Variants in DMD observed in about 807,000 individuals in gnomAD.
The protein encoded by DMD is mutant dystrophin.
A neutral mutation model predicts 330.1 loss-of-function variants in DMD; 63 were observed. The observed-to-expected ratio is 0.19, with a 90% CI of 0.16 to 0.24. DMD has a LOEUF of 0.24. Among genes scored for constraint, DMD ranks in the 10% least tolerant of loss-of-function variants. The pLI, the probability that DMD is intolerant of heterozygous loss-of-function variation, is 1.00. For synonymous variants in DMD, 1,223 were observed against 959.8 expected (o/e 1.27, Z -5.07); for missense variants, 3,344 against 2,684.1 (o/e 1.25, Z -5.43).
rs1388942693 is a variant in DMD, at chrX:32,816,459, T to TC, written c.530+8dup. On this transcript the variant is annotated intron_variant, in intron 6 of 78. Transcript: ENST00000357033. Reference sequence around the variant, plus strand: ...TACAAGTTATTTAATGTCTCAGTAATCTTCTTACCTATGACTATGGATGAG... The same window carrying TC: ...TACAAGTTATTTAATGTCTCAGTAATCCTTCTTACCTATGACTATGGATGAG... The TC allele has an allele frequency of 1.7e-6, 2 of 1,208,755 alleles. No homozygotes were observed. The highest frequency in any genetic ancestry group is 4.4e-5 in the Admixed American group (2 of 45,703).
intron 7 of DMD, among the ~76,000 whole-genome samples, chrX:32,801,665 C>T (rs1342928887): frequency 9.0e-6 from 1 of 111,512 alleles, no homozygotes; most frequent in Non-Finnish European, 1.9e-5. Context: ...GTCTTTAATC[C>T]ATCTTGAGTT....
rs1223708683 is a variant in DMD, at chrX:31,763,494, C to T, written c.7542+10466G>A. 6.3e-5 allele frequency among the ~76,000 whole-genome samples: 7 copies of T among 111,359 alleles called. No homozygotes were observed. In the South Asian group the frequency reaches 1.2e-3, roughly 18 times the overall value. ...AGGAGAATCGCTTGAACCTAGGTGG[C>T]GGAGGTTGCAGTGAGCCGAGATCGT... On this transcript the variant is annotated intron_variant, in intron 51 of 78. Coordinates refer to ENST00000357033, the MANE Select transcript of DMD (RefSeq NM_004006.3).
At chrX:31,668,816 G>C (rs983808276) in intron 53 of DMD, among the ~76,000 whole-genome samples, 2 of 111,540 alleles carry the variant, frequency 1.8e-5, no homozygotes, top group African/African-American at 6.5e-5. Context: ...CTACTTCAAT[G>C]AGTTTGACTT....
chrX:32,540,252 G>A (rs920458002), intron 17 of DMD, among the ~76,000 whole-genome samples: 42 of 111,072 alleles, frequency 3.8e-4, no homozygotes, highest in African/African-American at 1.2e-3. Flanking sequence ...GGAATAATTT[G>A]CTATTAGAAA....
intron 48 of DMD, among the ~76,000 whole-genome samples, chrX:31,859,861 A>G (rs1367651597): frequency 8.9e-6 from 1 of 112,376 alleles, no homozygotes; most frequent in African/African-American, 3.2e-5. Flanking sequence ...CAATGCCACC[A>G]AGGGAGGTAA....
chrX:31,332,367 T>TA (rs1326687102), intron 61 of DMD, among the ~76,000 whole-genome samples: 1 of 112,240 alleles, frequency 8.9e-6, no homozygotes, highest in Non-Finnish European at 1.9e-5. Flanking sequence ...ACAGAAGCTT[T>TA]ATATTCTTGT....
At chrX:31,709,153 T>A (rs779865019) in intron 52 of DMD, among the ~76,000 whole-genome samples, 32 of 111,409 alleles carry the variant, frequency 2.9e-4, no homozygotes, top group Non-Finnish European at 5.5e-4. Flanking sequence ...ATGTCTGTAG[T>A]CTCAGCTACT....
intron 7 of DMD, among the ~76,000 whole-genome samples, chrX:32,753,294 A>G (rs2071065653): frequency 8.9e-6 from 1 of 112,370 alleles, no homozygotes; most frequent in African/African-American, 3.2e-5. Flanking sequence ...GGTATTCCTC[A>G]AAAGACAATA....
At chrX:32,105,632 A>G (rs1468084932) in intron 44 of DMD, among the ~76,000 whole-genome samples, 1 of 112,031 alleles carries the variant, frequency 8.9e-6, no homozygotes, top group Non-Finnish European at 1.9e-5. Context: ...ATGCTTCATA[A>G]TAATCACCTG....
At chrX:31,309,227 C>T (rs1458478866) in intron 62 of DMD, among the ~76,000 whole-genome samples, 2 of 111,826 alleles carry the variant, frequency 1.8e-5, no homozygotes, top group Non-Finnish European at 3.8e-5. Flanking sequence ...ACTGAGGAGA[C>T]AAGGGATCTG....
Position 31,434,424 on chromosome X carries a change from A to ATG in DMD, c.9084+10056_9084+10057insCA, listed in dbSNP as rs1569541937. ...CCCTTACTGCAGCGCGCGCGCACAC[A>ATG]CACACACACACACACACACACACAC... On this transcript the variant is annotated intron_variant, in intron 60 of 78. Transcript: ENST00000357033. 2.2e-4 allele frequency among the ~76,000 whole-genome samples: 11 copies of ATG among 51,099 alleles called. 1 individual carries two copies. Among genetic ancestry groups the ATG allele is most frequent in the African/African-American group, 1.4e-3 (11 of 7,632 alleles). 44.4% of individuals were successfully genotyped at this position (51,099 alleles called of 115,157 possible). A position where few individuals can be genotyped will look rare whatever the true frequency, so the allele number is the denominator to read the frequency against.
rs2050672792 is a variant in DMD, at chrX:32,558,956, T to TTCTTTTTTTTTTTTTC, written c.1992+6745_1992+6746insGAAAAAAAAAAAAAGA. On this transcript the variant is annotated intron_variant, in intron 16 of 78. Coordinates refer to ENST00000357033, the MANE Select transcript of DMD (RefSeq NM_004006.3). Reference sequence around the variant, plus strand: ...AAATTTTCTTTTTTTTTTTTTTTTTTTTTTTTTTTTTTGAGACGAAGTCTC... The same window carrying TTCTTTTTTTTTTTTTC: ...AAATTTTCTTTTTTTTTTTTTTTTTTTCTTTTTTTTTTTTTCTTTTTTTTTTTTGAGACGAAGTCTC... Among the ~76,000 whole-genome samples the TTCTTTTTTTTTTTTTC allele has an allele frequency of 4.8e-5, 4 of 83,392 alleles. 1 individual carries two copies. Among genetic ancestry groups the TTCTTTTTTTTTTTTTC allele is most frequent in the African/African-American group, 2.0e-4 (4 of 19,711 alleles). 72.4% of individuals were successfully genotyped at this position (83,392 alleles called of 115,157 possible). A position where few individuals can be genotyped will look rare whatever the true frequency, so the allele number is the denominator to read the frequency against.
At chrX:32,253,132 C>T (rs2097283648) in intron 43 of DMD, among the ~76,000 whole-genome samples, 1 of 105,895 alleles carries the variant, frequency 9.4e-6, no homozygotes, top group Non-Finnish European at 1.9e-5. Flanking sequence ...ATATATTGTC[C>T]AGGTCTTTAA....
At chrX:32,751,078 A>T (rs1220221215) in intron 7 of DMD, among the ~76,000 whole-genome samples, 2 of 111,677 alleles carry the variant, frequency 1.8e-5, no homozygotes, top group African/African-American at 6.5e-5. Flanking sequence ...ATTCTCTGGC[A>T]TGACTTTATC....
intron 50 of DMD, among the ~76,000 whole-genome samples, chrX:31,782,234 T>C (rs1410325258): frequency 9.0e-6 from 1 of 111,214 alleles, no homozygotes; most frequent in Non-Finnish European, 1.9e-5. Flanking sequence ...GATTCTCCCA[T>C]TAAGAGCCAT....
chrX:32,605,937 CAT>C (rs2056659558), intron 12 of DMD, among the ~76,000 whole-genome samples: 1 of 109,405 alleles, frequency 9.1e-6, no homozygotes, highest in African/African-American at 3.3e-5. Flanking sequence ...TTGTGGGGTA[CAT>C]GAGATGTTTT....
chrX:31,363,614 G>A (rs900644815), intron 60 of DMD, among the ~76,000 whole-genome samples: 5 of 111,087 alleles, frequency 4.5e-5, no homozygotes. Flanking sequence ...TCCTGATCTC[G>A]TGATCCGCCC....
At chrX:32,072,553 G>A (rs2096309109) in intron 44 of DMD, among the ~76,000 whole-genome samples, 1 of 111,378 alleles carries the variant, frequency 9.0e-6, no homozygotes, top group African/African-American at 3.3e-5. Context: ...ATCTATCAAT[G>A]TCTTACCCAA....
intron 44 of DMD, among the ~76,000 whole-genome samples, chrX:31,984,110 A>G (rs956005182): frequency 1.8e-5 from 2 of 112,476 alleles, no homozygotes; most frequent in Admixed American, 1.9e-4. Flanking sequence ...CTTCATAATT[A>G]TAGATGTTTT....
Sources: gnomAD v4.1 joint callset for allele counts (sites outside exome capture counted in the v4.1 genomes callset) on GRCh38, gnomAD v4.1.1 for gene constraint, MANE v1.5 for transcripts, NCBI Gene and HGNC (gene_info 2026-07-23, HGNC 2026-07-21) for gene names.